Variants in ERAP1 observed in about 807,000 individuals in gnomAD.
The protein encoded by ERAP1 is adipocyte-derived leucine aminopeptidase.
ERAP1 carries 86 observed loss-of-function variants against 103.7 expected under a neutral mutation model. The ratio of observed to expected loss-of-function variants is 0.83; its 90% CI spans 0.70 to 0.99. ERAP1 has a LOEUF of 0.99. ERAP1 is among the 50% of genes least tolerant of loss of function. The probability of loss-of-function intolerance (pLI) is 0.00; values close to 1 mark genes in which losing one functional copy is unlikely to be tolerated. For synonymous variants in ERAP1, 398 were observed against 402.4 expected, an observed-to-expected ratio of 0.99 and a Z score of 0.13; for missense variants, 1,009 against 1,128.4, an observed-to-expected ratio of 0.89 and a Z score of 1.52.
At position 96,776,084 on chromosome 5, in the gene ERAP1, A is replaced by G. The variant is rs1294477202; in HGVS notation, c.*312T>C. On this transcript the variant is annotated 3_prime_UTR_variant, in exon 19 of 19. Transcript: ENST00000443439. ...TTTATGAATGATAAACATGGGGTAC[A>G]GGGTTTTGGACACGGGTGCTTAAGC... 2 of 1,289,524 alleles carry G rather than the reference A, an allele frequency of 1.6e-6. No homozygotes were observed. Among genetic ancestry groups the G allele is most frequent in the Non-Finnish European group, 2.0e-6 (2 of 995,856 alleles). The allele number at this position is 1,289,524 out of a possible 1,614,324, so 79.9% of individuals were successfully genotyped here. A position where few individuals can be genotyped will look rare whatever the true frequency, so the allele number is the denominator to read the frequency against.
At chr5:96,800,611 C>T (rs1211517420) in intron 3 of ERAP1, among the ~76,000 whole-genome samples, 1 of 152,188 alleles carries the variant, frequency 6.6e-6, no homozygotes, top group Non-Finnish European at 1.5e-5. Flanking sequence ...TATACCACTT[C>T]CCTCCTATCA....
chr5:96,865,034 T>C, the ERAP1 span, among the ~76,000 whole-genome samples: 1 of 152,182 alleles, frequency 6.6e-6, no homozygotes, highest in Non-Finnish European at 1.5e-5. Flanking sequence ...CCTTTAACTT[T>C]TGTATGCATT....
At chr5:96,768,048 G>A in intron 19 of ERAP1, 3 of 1,149,842 alleles carry the variant, frequency 2.6e-6, no homozygotes, top group Non-Finnish European at 2.6e-6. Context: ...GTGTGTGTAT[G>A]TGTACATACA....
At chr5:96,819,874 C>G in the ERAP1 span, among the ~76,000 whole-genome samples, 3 of 152,170 alleles carry the variant, frequency 2.0e-5, no homozygotes, top group East Asian at 5.8e-4. Flanking sequence ...CTTCAAGCAC[C>G]TATGGATTTA....
At chr5:96,819,937 A>G in the ERAP1 span, among the ~76,000 whole-genome samples, 4 of 152,234 alleles carry the variant, frequency 2.6e-5, no homozygotes, top group Admixed American at 1.3e-4. Context: ...GCACTTGGGT[A>G]GTTTATAATT....
chr5:96,897,557 G>A, the ERAP1 span, among the ~76,000 whole-genome samples: 5 of 151,554 alleles, frequency 3.3e-5, no homozygotes, highest in Non-Finnish European at 7.4e-5. Flanking sequence ...TTTTTAATGT[G>A]ATAGCACCTA....
the ERAP1 span, among the ~76,000 whole-genome samples, chr5:96,817,141 G>A: frequency 1.2e-4 from 19 of 152,148 alleles, no homozygotes; most frequent in African/African-American, 2.2e-4. Flanking sequence ...GGGGTTGGAG[G>A]GACGGGCAAC....
the ERAP1 span, among the ~76,000 whole-genome samples, chr5:96,914,148 T>TCTCACACACACACACA: frequency 0.037 from 5,521 of 147,984 alleles, 177 homozygotes; most frequent in Middle Eastern, 0.12. Flanking sequence ...TCTCTCTCTC[T>TCTCACACACACACACA]CACACACACA....
the ERAP1 span, among the ~76,000 whole-genome samples, chr5:96,835,976 GTT>G: frequency 6.6e-6 from 1 of 152,080 alleles, no homozygotes; most frequent in Non-Finnish European, 1.5e-5. Flanking sequence ...TGGGACCTCC[GTT>G]TCACCTTTGC....
chr5:96,780,358 C>T, intron 18 of ERAP1, 65 bp downstream of exon 18: 1 of 1,182,862 alleles, frequency 8.5e-7, no homozygotes, highest in Non-Finnish European at 1.2e-6. Context: ...ATTTTGTCTA[C>T]CCCATATTAA....
At chr5:96,931,105 AC>A in the ERAP1 span, among the ~76,000 whole-genome samples, 6 of 151,872 alleles carry the variant, frequency 4.0e-5, no homozygotes, top group Admixed American at 1.3e-4. Flanking sequence ...TTCCTTCCCT[AC>A]CTAGGACACT....
At chr5:96,859,743 T>A in the ERAP1 span, among the ~76,000 whole-genome samples, 1 of 152,146 alleles carries the variant, frequency 6.6e-6, no homozygotes, top group African/African-American at 2.4e-5. Context: ...TATATCAAAG[T>A]TTTTGTTAAC....
At chr5:96,787,766 G>C (rs943878741) in intron 11 of ERAP1, among the ~76,000 whole-genome samples, 1 of 95,900 alleles carries the variant, frequency 1.0e-5, no homozygotes, top group African/African-American at 3.8e-5. Context: ...GGGAAGATGG[G>C]GGAGGGAGGT....
chr5:96,917,030 G>T, the ERAP1 span, among the ~76,000 whole-genome samples: 1 of 152,190 alleles, frequency 6.6e-6, no homozygotes, highest in Admixed American at 6.5e-5. Context: ...ACCTTTTAGA[G>T]GTTGGCAGAG....
chr5:96,878,404 G>GTAA, the ERAP1 span, among the ~76,000 whole-genome samples: 142,399 of 151,702 alleles, frequency 0.94, 67,220 homozygotes, highest in Non-Finnish European at 1. Context: ...GCCATTCGTA[G>GTAA]TAATAATAAT....
chr5:96,859,312 C>T, the ERAP1 span, among the ~76,000 whole-genome samples: 1 of 152,102 alleles, frequency 6.6e-6, no homozygotes, highest in African/African-American at 2.4e-5. Flanking sequence ...AAACAGAGTC[C>T]AAACACAGCA....
At chr5:96,763,161 A>C (rs764203930) in exon 20 of ERAP1, 1 of 780,588 alleles carries the variant, frequency 1.3e-6, no homozygotes, top group Non-Finnish European at 2.4e-6. Flanking sequence ...GTAGCATCAA[A>C]GCATATTTAG....
At chr5:96,887,100 T>TATATATACACAC in the ERAP1 span, among the ~76,000 whole-genome samples, 5 of 137,454 alleles carry the variant, frequency 3.6e-5, no homozygotes, top group African/African-American at 1.1e-4. Context: ...TATATATATA[T>TATATATACACAC]ACACACACAC....
the ERAP1 span, chr5:96,823,052 GGCC>G: frequency 4.4e-6 from 2 of 456,158 alleles, no homozygotes; most frequent in Non-Finnish European, 8.8e-6. Flanking sequence ...GTTGACTGGA[GGCC>G]GCCCTCATCT....
Sources: gnomAD v4.1 joint callset for allele counts (sites outside exome capture counted in the v4.1 genomes callset) on GRCh38, gnomAD v4.1.1 for gene constraint, MANE v1.5 for transcripts, NCBI Gene and HGNC (gene_info 2026-07-23, HGNC 2026-07-21) for gene names.